ZNF385D: variants seen among roughly 807,000 people sequenced by gnomAD.
ZNF385D encodes the protein zinc finger protein 659.
Under a neutral mutation model 35.8 loss-of-function variants are expected in ZNF385D, and 15 were observed. The ratio of observed to expected loss-of-function variants is 0.42; its 90% confidence interval spans 0.28 to 0.64. The LOEUF is 0.64. Among genes scored for constraint, ZNF385D ranks in the 30% least tolerant of loss-of-function variants. The pLI, the probability that ZNF385D is intolerant of heterozygous loss-of-function variation, is 0.23. For missense variants in ZNF385D, 474 were observed against 494.6 expected (o/e 0.96, Z 0.39); for synonymous variants, 212 against 186.8 (o/e 1.13, Z -1.10).
chr3:22,104,769 A>G (rs1201834752), intron 3 of ZNF385D, among the ~76,000 whole-genome samples: 1 of 152,146 alleles, frequency 6.6e-6, no homozygotes, highest in African/African-American at 2.4e-5. Context: ...CACCTAGTAA[A>G]TATGAATCAT....
chr3:21,904,117 A>T (rs912828156), intron 3 of ZNF385D, among the ~76,000 whole-genome samples: 1 of 151,974 alleles, frequency 6.6e-6, no homozygotes, highest in African/African-American at 2.4e-5. Context: ...ATCCTGGACA[A>T]CATGGTTGAA....
Position 22,371,896 on chromosome 3 carries a change from G to A in ZNF385D, c.106+554C>T, listed in dbSNP as rs1055966352. 8.5e-5 allele frequency among the ~76,000 whole-genome samples: 13 copies of A among 152,120 alleles called. No homozygotes were observed. In the South Asian group the frequency reaches 1.5e-3, roughly 17 times the overall value. On this transcript the variant is annotated intron_variant, in intron 2 of 5. Coordinates refer to the ZNF385D transcript ENST00000494108. ...TTCTCATCCTGCCCTCAAAACGCGTGTATCTCAGGTTTTTTTAAGTATTTG... is the reference window on the plus strand; with the variant it reads ...TTCTCATCCTGCCCTCAAAACGCGTATATCTCAGGTTTTTTTAAGTATTTG...
chr3:22,269,061 GCTT>G (rs534287696), intron 2 of ZNF385D, among the ~76,000 whole-genome samples: 8 of 151,876 alleles, frequency 5.3e-5, no homozygotes, highest in African/African-American at 1.7e-4. Context: ...ATATTTTCCA[GCTT>G]CTTCTTGTCA....
intron 2 of ZNF385D, among the ~76,000 whole-genome samples, chr3:22,309,434 C>G (rs1054254997): frequency 6.6e-6 from 1 of 152,048 alleles, no homozygotes; most frequent in Non-Finnish European, 1.5e-5. Flanking sequence ...CCCAGTTTCT[C>G]ACTTCTAAGG....
At chr3:22,304,668 A>G (rs1460683547) in intron 2 of ZNF385D, among the ~76,000 whole-genome samples, 1 of 152,160 alleles carries the variant, frequency 6.6e-6, no homozygotes, top group East Asian at 1.9e-4. Flanking sequence ...GTTTCCAACT[A>G]CATCTGGTAT....
chr3:22,230,979 A>G (rs1205282284), intron 2 of ZNF385D, among the ~76,000 whole-genome samples: 1 of 152,130 alleles, frequency 6.6e-6, no homozygotes, highest in East Asian at 1.9e-4. Flanking sequence ...CAGACTTCCC[A>G]GAAGGGCAAT....
intron 2 of ZNF385D, among the ~76,000 whole-genome samples, chr3:22,341,916 AAT>A (rs1465141460): frequency 6.6e-6 from 1 of 152,202 alleles, no homozygotes; most frequent in Non-Finnish European, 1.5e-5. Flanking sequence ...TAATTATGGT[AAT>A]ATCTCTGGCT....
chr3:21,690,394 C>A (rs2067243553), intron 1 of ZNF385D, among the ~76,000 whole-genome samples: 1 of 152,152 alleles, frequency 6.6e-6, no homozygotes, highest in Non-Finnish European at 1.5e-5. Context: ...ACCCTGCAGA[C>A]CTACAGTGCC....
chr3:22,138,332 G>C (rs1704282530), intron 3 of ZNF385D, among the ~76,000 whole-genome samples: 1 of 152,126 alleles, frequency 6.6e-6, no homozygotes, highest in Non-Finnish European at 1.5e-5. Context: ...AGTTCATATG[G>C]AATCAAAATA....
At chr3:21,588,074 G>T (rs2063863103) in intron 2 of ZNF385D, among the ~76,000 whole-genome samples, 1 of 152,168 alleles carries the variant, frequency 6.6e-6, no homozygotes, top group African/African-American at 2.4e-5. Context: ...ACAAGATAAA[G>T]TTCCTGGTCT....
Position 21,735,388 on chromosome 3 carries a change from T to G in ZNF385D, c.22+15507A>C, listed in dbSNP as rs76991370. On this transcript the variant is annotated intron_variant, in intron 1 of 7. Coordinates refer to ENST00000281523, the MANE Select transcript of ZNF385D (RefSeq NM_024697.3). ...CGGCCCTATTTGTGCCACTCACTAC[T>G]GGTTGCTTATTCGGGCTAGGCAATT... 6.0e-3 allele frequency among the ~76,000 whole-genome samples: 907 copies of G among 152,302 alleles called. 7 individuals carry two copies. The highest frequency in any genetic ancestry group is 0.021 in the African/African-American group (873 of 41,570).
chr3:22,005,045 C>T (rs557105803), intron 3 of ZNF385D, among the ~76,000 whole-genome samples: 43 of 91,392 alleles, frequency 4.7e-4, no homozygotes, highest in Non-Finnish European at 8.3e-4. Flanking sequence ...GGAACTCAAA[C>T]CACTCAGCAG....
At chr3:22,321,938 C>T (rs1389378533) in intron 2 of ZNF385D, among the ~76,000 whole-genome samples, 5 of 151,990 alleles carry the variant, frequency 3.3e-5, no homozygotes, top group Admixed American at 6.6e-5. Flanking sequence ...CCTATTTATA[C>T]TGCTATTGTT....
Position 21,808,718 on chromosome 3 carries a change from C to G in ZNF385D, c.326-143690G>C, listed in dbSNP as rs371098805. ...GGGAAGGGTTATGGACAGGAGTGAT[C>G]TGAATGAAGAAATGTTTTAAATCAG... On this transcript the variant is annotated intron_variant, in intron 3 of 5. Transcript: ENST00000494108. 2.6e-5 allele frequency among the ~76,000 whole-genome samples: 4 copies of G among 152,290 alleles called. No homozygotes were observed. The East Asian group carries it at 5.8e-4, about 22-fold the overall frequency.
chr3:21,636,355 TA>T (rs2065433116), intron 2 of ZNF385D, among the ~76,000 whole-genome samples: 1 of 130,946 alleles, frequency 7.6e-6, no homozygotes, highest in Non-Finnish European at 1.7e-5. Flanking sequence ...TATATATGAT[TA>T]TATATGATTA....
chr3:21,621,125 G>T (rs2064994345), intron 2 of ZNF385D, among the ~76,000 whole-genome samples: 1 of 152,114 alleles, frequency 6.6e-6, no homozygotes, highest in Non-Finnish European at 1.5e-5. Flanking sequence ...GGCTGCAAAA[G>T]CACAACTTTT....
At chr3:22,372,396 C>T (rs1696952923) in intron 2 of ZNF385D, 9 of 967,458 alleles carry the variant, frequency 9.3e-6, no homozygotes, top group Non-Finnish European at 9.8e-6. Context: ...TTGCCCGGCG[C>T]CCCAACGAAC....
chr3:22,359,657 G>C (rs7649867), intron 2 of ZNF385D, among the ~76,000 whole-genome samples: 51,202 of 151,594 alleles, frequency 0.34, 9,266 homozygotes, highest in African/African-American at 0.45. Flanking sequence ...TTGGTATTGA[G>C]AGACAGTCAT....
At chr3:21,822,101 T>C (rs996857518) in intron 3 of ZNF385D, among the ~76,000 whole-genome samples, 2 of 152,088 alleles carry the variant, frequency 1.3e-5, no homozygotes, top group African/African-American at 4.8e-5. Context: ...ACACGGAATC[T>C]CACTCTGTTG....
Sources: allele counts gnomAD v4.1 joint callset (sites outside exome capture counted in the v4.1 genomes callset), GRCh38; gene constraint gnomAD v4.1.1; transcripts MANE v1.5; gene names NCBI Gene and HGNC (gene_info 2026-07-23, HGNC 2026-07-21).